Variants in SCHIP1 observed in about 807,000 individuals in gnomAD.
The protein encoded by SCHIP1 is schwannomin interacting protein 1.
In SCHIP1, 8 loss-of-function variants were observed where a neutral mutation model predicts 29.7. The observed-to-expected ratio is 0.27, with a 90% CI of 0.16 to 0.49. The LOEUF is 0.49. Ranked by LOEUF, SCHIP1 falls within the 20% of genes least tolerant of loss-of-function variation. The probability of loss-of-function intolerance (pLI) is 0.99; values close to 1 mark genes in which losing one functional copy is unlikely to be tolerated. For synonymous variants in SCHIP1, 76 were observed against 94.9 expected, an observed-to-expected ratio of 0.80 and a Z score of 1.16; for missense variants, 193 against 294.6, an observed-to-expected ratio of 0.66 and a Z score of 2.52.
the SCHIP1 span, among the ~76,000 whole-genome samples, chr3:159,596,761 G>A: frequency 2.0e-5 from 3 of 150,726 alleles, no homozygotes; most frequent in Non-Finnish European, 4.4e-5. Flanking sequence ...AGAACACTTG[G>A]ACACAGGATG....
the SCHIP1 span, among the ~76,000 whole-genome samples, chr3:159,618,285 A>G: frequency 1.4e-4 from 21 of 152,342 alleles, no homozygotes; most frequent in Admixed American, 2.6e-4. Context: ...GTTCCATGTT[A>G]TCACTCAAAT....
the SCHIP1 span, among the ~76,000 whole-genome samples, chr3:159,369,522 A>G: frequency 3.3e-5 from 5 of 152,172 alleles, no homozygotes; most frequent in Admixed American, 2.6e-4. Context: ...TGGGGGGGGA[A>G]TAAAATAAAT....
chr3:159,306,309 A>T, the SCHIP1 span, among the ~76,000 whole-genome samples: 3 of 152,262 alleles, frequency 2.0e-5, no homozygotes, highest in Non-Finnish European at 2.9e-5. Flanking sequence ...GTATTTAATA[A>T]TGCCTATGTT....
the SCHIP1 span, among the ~76,000 whole-genome samples, chr3:159,597,998 G>T: frequency 6.6e-6 from 1 of 152,062 alleles, no homozygotes; most frequent in Non-Finnish European, 1.5e-5. Flanking sequence ...GTGAGCATAG[G>T]GGAAACTGCC....
the SCHIP1 span, among the ~76,000 whole-genome samples, chr3:159,613,007 A>C: frequency 2.5e-4 from 38 of 152,348 alleles, no homozygotes; most frequent in African/African-American, 8.7e-4. Context: ...GTAAATGGAA[A>C]GAGATCATGA....
the SCHIP1 span, among the ~76,000 whole-genome samples, chr3:159,481,771 T>C: frequency 2.0e-5 from 3 of 152,142 alleles, no homozygotes; most frequent in South Asian, 6.2e-4. Flanking sequence ...TTTGAGAAAA[T>C]GGTAATTACT....
At chr3:159,659,481 G>A in the SCHIP1 span, among the ~76,000 whole-genome samples, 1 of 152,138 alleles carries the variant, frequency 6.6e-6, no homozygotes, top group South Asian at 2.1e-4. Context: ...GTCAGGAGTG[G>A]ATGAGATATT....
chr3:159,489,777 T>C, the SCHIP1 span, among the ~76,000 whole-genome samples: 1 of 152,160 alleles, frequency 6.6e-6, no homozygotes, highest in African/African-American at 2.4e-5. Context: ...TTTTAAAAGA[T>C]GATCTATTTG....
chr3:159,807,294 G>A, the SCHIP1 span, among the ~76,000 whole-genome samples: 1 of 152,156 alleles, frequency 6.6e-6, no homozygotes, highest in Non-Finnish European at 1.5e-5. Flanking sequence ...AAAGTGGATG[G>A]AAGAGGCTCC....
At chr3:159,878,218 C>T (rs1475662929) in intron 2 of SCHIP1, among the ~76,000 whole-genome samples, 1 of 152,226 alleles carries the variant, frequency 6.6e-6, no homozygotes, top group Non-Finnish European at 1.5e-5. Context: ...TGACTCATGC[C>T]TGTAATCCCA....
the SCHIP1 span, among the ~76,000 whole-genome samples, chr3:159,279,392 A>G: frequency 1.3e-5 from 2 of 152,148 alleles, no homozygotes; most frequent in African/African-American, 4.8e-5. Context: ...CTTTTTCTTT[A>G]TAAATTACCC....
At chr3:159,568,980 T>A in the SCHIP1 span, among the ~76,000 whole-genome samples, 1 of 152,186 alleles carries the variant, frequency 6.6e-6, no homozygotes, top group African/African-American at 2.4e-5. Context: ...TTTATCTCTT[T>A]AACTCTGAAA....
chr3:159,601,776 C>T, the SCHIP1 span, among the ~76,000 whole-genome samples: 1 of 152,202 alleles, frequency 6.6e-6, no homozygotes, highest in African/African-American at 2.4e-5. Flanking sequence ...CAGTGTAGTA[C>T]TCCCTGTGGA....
chr3:159,604,972 T>C, the SCHIP1 span, among the ~76,000 whole-genome samples: 2 of 152,204 alleles, frequency 1.3e-5, no homozygotes, highest in African/African-American at 4.8e-5. Context: ...AAATTTTCAA[T>C]GACATTTGCT....
At chr3:159,424,114 G>A in the SCHIP1 span, among the ~76,000 whole-genome samples, 5 of 149,992 alleles carry the variant, frequency 3.3e-5, no homozygotes, top group African/African-American at 1.2e-4. Context: ...AGAAAAACTG[G>A]AAACTCTAAA....
chr3:159,763,574 C>G, the SCHIP1 span: 4 of 153,016 alleles, frequency 2.6e-5, no homozygotes, highest in Non-Finnish European at 5.8e-5. Flanking sequence ...AGCCTGCCTC[C>G]TGCTCCAGCC....
chr3:159,385,590 C>CAA, the SCHIP1 span, among the ~76,000 whole-genome samples: 172 of 130,584 alleles, frequency 1.3e-3, 1 homozygote, highest in South Asian at 0.026. Flanking sequence ...AAAAAAAAAC[C>CAA]AAAAAAAAAA....
the SCHIP1 span, among the ~76,000 whole-genome samples, chr3:159,788,187 T>A: frequency 6.6e-6 from 1 of 152,100 alleles, no homozygotes; most frequent in East Asian, 1.9e-4. Context: ...CAAAGTCTGC[T>A]CCCATCTCTC....
chr3:159,708,485 G>T, the SCHIP1 span, among the ~76,000 whole-genome samples: 54 of 152,256 alleles, frequency 3.5e-4, no homozygotes, highest in East Asian at 6.4e-3. Flanking sequence ...TTTTTAAGTT[G>T]CATAGGTGAA....
Sources: allele counts gnomAD v4.1 joint callset (sites outside exome capture counted in the v4.1 genomes callset), GRCh38; gene constraint gnomAD v4.1.1; transcripts MANE v1.5; gene names NCBI Gene and HGNC (gene_info 2026-07-23, HGNC 2026-07-21).